The following PRNP variants were observed in gnomAD, a reference collection of about 807,000 sequenced individuals.
The protein encoded by PRNP is major prion protein.
PRNP carries 15 observed loss-of-function variants against 21.3 expected under a neutral mutation model. That is an observed-to-expected ratio of 0.71 (90% CI 0.47 to 1.09). PRNP has a LOEUF of 1.09. PRNP is among the 50% of genes least tolerant of loss of function. The pLI, the probability that PRNP is intolerant of heterozygous loss-of-function variation, is 0.00. For missense variants in PRNP, 285 were observed against 340.9 expected, an observed-to-expected ratio of 0.84 and a Z score of 1.29; for synonymous variants, 121 against 123.1, an observed-to-expected ratio of 0.98 and a Z score of 0.11.
At position 4,700,715 on chromosome 20, in the gene PRNP, G is replaced by A. The variant is rs188710496; in HGVS notation, c.*733G>A. On this transcript the variant is annotated 3_prime_UTR_variant, in exon 2 of 2. Coordinates refer to ENST00000379440, the MANE Select transcript of PRNP (RefSeq NM_000311.5). This position sits in a 1 kb window ranked among gnomAD's most constrained non-coding sequence, Gnocchi z 4.1. ...CTGGGACTTGAAATCAAATGTTTGGGAATGGTGCCCTTGGAGGCAACCTCC... is the reference window on the plus strand; with the variant it reads ...CTGGGACTTGAAATCAAATGTTTGGAAATGGTGCCCTTGGAGGCAACCTCC... 5.9e-6 allele frequency: 1 copy of A among 170,176 alleles called. No individual in the cohort carries two copies. The highest frequency in any genetic ancestry group is 1.9e-4 in the East Asian group (1 of 5,244). The allele number at this position is 170,176 out of a possible 1,614,324, so 10.5% of individuals were successfully genotyped here.
At position 4,699,443 on chromosome 20, in the gene PRNP, C is replaced by T. The variant is rs753810713; in HGVS notation, c.223C>T (p.Gln75Ter). 1 of 1,611,046 alleles carries T rather than the reference C, an allele frequency of 6.2e-7. No homozygotes were observed. ...WGQPHGGGWG[Q>*]PHGGGWGQPH... ...GCAGCCTCATGGTGGTGGCTGGGGG[C>T]AGCCCCATGGTGGTGGCTGGGGACA... Residue 75 changes from glutamine (Q) to a stop codon, truncating the protein, a stop_gained, in exon 2 of 2, where the codon CAG becomes TAG. Coordinates refer to ENST00000379440, the MANE Select transcript of PRNP (RefSeq NM_000311.5). LOFTEE classifies it high-confidence loss of function. The surrounding 1 kb of genome is among the most constrained non-coding windows in gnomAD (Gnocchi z 5.8).
At chr20:4,691,952 G>A (rs1003097442) in intron 1 of PRNP, among the ~76,000 whole-genome samples, 4 of 152,196 alleles carry the variant, frequency 2.6e-5, no homozygotes, top group African/African-American at 7.2e-5. Flanking sequence ...GGAATGTCCT[G>A]TATTTGTCTG....
Position 4,693,115 on chromosome 20 carries a change from C to T in PRNP, c.-10-6096C>T, listed in dbSNP as rs189447989. On this transcript the variant is annotated intron_variant, in intron 1 of 1. Transcript: ENST00000379440. ...GTCCTATTTCAGTAGATGGCATCACCGCCATCTCCCTGGTTATGGAAGTCC... is the reference window on the plus strand; with the variant it reads ...GTCCTATTTCAGTAGATGGCATCACTGCCATCTCCCTGGTTATGGAAGTCC... Among the ~76,000 whole-genome samples the T allele has an allele frequency of 3.3e-5, 5 of 152,288 alleles. 1 individual carries two copies. The highest frequency in any genetic ancestry group is 6.5e-5 in the Admixed American group (1 of 15,282).
intron 1 of PRNP, among the ~76,000 whole-genome samples, chr20:4,690,365 C>T (rs1331111304): frequency 6.6e-6 from 1 of 152,150 alleles, no homozygotes; most frequent in Admixed American, 6.5e-5. Context: ...ATCTCAGCTC[C>T]AACACCTTGG....
chr20:4,699,294 G>T lies in PRNP; in HGVS notation c.74G>T (p.Arg25Leu). The T allele has an allele frequency of 2.5e-6, 4 of 1,614,090 alleles. No homozygotes were observed. The highest frequency in any genetic ancestry group is 3.4e-6 in the Non-Finnish European group (4 of 1,180,038). Reference sequence around the variant, plus strand: ...AGTGACCTGGGCCTCTGCAAGAAGCGCCCGAAGCCTGGAGGATGGAACACT... The same window carrying T: ...AGTGACCTGGGCCTCTGCAAGAAGCTCCCGAAGCCTGGAGGATGGAACACT... ...TWSDLGLCKK[R>L]PKPGGWNTGG... Residue 25 changes from arginine (R) to leucine (L), a missense_variant, in exon 2 of 2, where the codon CGC (arginine) becomes CTC (leucine). Coordinates refer to ENST00000379440, the MANE Select transcript of PRNP (RefSeq NM_000311.5). This position sits in a 1 kb window ranked among gnomAD's most constrained non-coding sequence, Gnocchi z 5.8.
In PRNP at chr20:4,700,959, A is replaced by C. The variant is rs2122234325; in HGVS notation, c.*977A>C. On this transcript the variant is annotated 3_prime_UTR_variant, in exon 2 of 2. Transcript: ENST00000379440. This position sits in a 1 kb window ranked among gnomAD's most constrained non-coding sequence, Gnocchi z 4.1. ...GTAATTAAAAAATGGTCAGTGTGCAAAGAAAAGAACTGCTTGCATTTCTTT... is the reference window on the plus strand; with the variant it reads ...GTAATTAAAAAATGGTCAGTGTGCACAGAAAAGAACTGCTTGCATTTCTTT... The C allele has an allele frequency of 6.0e-6, 1 of 167,096 alleles. No individual in the cohort carries two copies. The highest frequency in any genetic ancestry group is 3.4e-3 in the Middle Eastern group (1 of 296). 10.4% of individuals were successfully genotyped at this position (167,096 alleles called of 1,614,324 possible). A position where few individuals can be genotyped will look rare whatever the true frequency, so the allele number is the denominator to read the frequency against.
chr20:4,696,421 G>A (rs1922171388), intron 1 of PRNP, among the ~76,000 whole-genome samples: 1 of 152,204 alleles, frequency 6.6e-6, no homozygotes, highest in African/African-American at 2.4e-5. Context: ...CTTCTGGTCA[G>A]TTATTGCTAC....
intron 1 of PRNP, among the ~76,000 whole-genome samples, chr20:4,695,479 G>A (rs541053850): frequency 1.3e-5 from 2 of 152,148 alleles, no homozygotes; most frequent in Admixed American, 1.3e-4. Context: ...TAGCATATAT[G>A]TACCACACTT....
rs868121954 is a variant in PRNP, at chr20:4,701,393, G to A, written c.*1411G>A. On this transcript the variant is annotated 3_prime_UTR_variant, in exon 2 of 2. Coordinates refer to ENST00000379440, the MANE Select transcript of PRNP (RefSeq NM_000311.5). This position sits in a 1 kb window ranked among gnomAD's most constrained non-coding sequence, Gnocchi z 4.2. ...CTTAATATGTGGGAAACCCTTTTGC[G>A]TGGTCCTTAGGCTTACAATGTGCAC... The A allele has an allele frequency of 8.4e-5, 14 of 167,034 alleles. No homozygotes were observed. The highest frequency in any genetic ancestry group is 1.3e-4 in the Non-Finnish European group (9 of 68,118). 10.3% of individuals were successfully genotyped at this position (167,034 alleles called of 1,614,324 possible). A position where few individuals can be genotyped will look rare whatever the true frequency, so the allele number is the denominator to read the frequency against.
intron 1 of PRNP, among the ~76,000 whole-genome samples, chr20:4,694,513 T>C (rs996151071): frequency 1.3e-5 from 2 of 152,240 alleles, no homozygotes; most frequent in African/African-American, 4.8e-5. Context: ...TTATTAACCT[T>C]TTAAAGCATT....
intron 1 of PRNP, among the ~76,000 whole-genome samples, chr20:4,688,893 T>A (rs1921646304): frequency 6.6e-6 from 1 of 152,222 alleles, no homozygotes. Context: ...TAAGGGCGTT[T>A]AAAAAATAGT....
intron 1 of PRNP, among the ~76,000 whole-genome samples, chr20:4,689,288 A>G (rs1921673706): frequency 6.6e-6 from 1 of 152,136 alleles, no homozygotes; most frequent in Non-Finnish European, 1.5e-5. Flanking sequence ...AAGTCACCAA[A>G]TGTCACAGAA....
chr20:4,695,702 C>T (rs900794929), intron 1 of PRNP, among the ~76,000 whole-genome samples: 1 of 152,110 alleles, frequency 6.6e-6, no homozygotes, highest in Non-Finnish European at 1.5e-5. Context: ...AATTATTTGC[C>T]TTATGGTTTG....
intron 1 of PRNP, among the ~76,000 whole-genome samples, chr20:4,695,304 G>C (rs1922098573): frequency 6.6e-6 from 1 of 151,970 alleles, no homozygotes; most frequent in South Asian, 2.1e-4. Context: ...CCCTCCGATA[G>C]GCCCTAGTAT....
chr20:4,695,573 G>A (rs375262851), intron 1 of PRNP, among the ~76,000 whole-genome samples: 35 of 152,124 alleles, frequency 2.3e-4, no homozygotes, highest in African/African-American at 7.0e-4. Context: ...GAACATACAC[G>A]TGCATGTGTC....
chr20:4,692,439 T>G (rs1241993673), intron 1 of PRNP, among the ~76,000 whole-genome samples: 4 of 152,186 alleles, frequency 2.6e-5, no homozygotes, highest in Non-Finnish European at 5.9e-5. Flanking sequence ...AAATTATACC[T>G]AGATGAATTT....
rs1441985482 is a variant in PRNP at position 4,699,550 on chromosome 20, G to A, written c.330G>A (p.Lys110=). 6.2e-7 allele frequency: 1 copy of A among 1,614,088 alleles called. No individual in the cohort carries two copies. ...CGAGTAAGCCAAAAACCAACATGAAGCACATGGCTGGTGCTGCAGCAGCTG... is the reference window on the plus strand; with the variant it reads ...CGAGTAAGCCAAAAACCAACATGAAACACATGGCTGGTGCTGCAGCAGCTG... The part of the protein sequence containing the change: ...NKPSKPKTNM[K]HMAGAAAAGA... The change falls in exon 2 of 2, where the codon AAG becomes AAA. Residue 110 remains lysine, a synonymous_variant. Coordinates refer to ENST00000379440, the MANE Select transcript of PRNP (RefSeq NM_000311.5). The surrounding 1 kb of genome is among the most constrained non-coding windows in gnomAD (Gnocchi z 5.8).
chr20:4,695,261 T>C (rs957795228), intron 1 of PRNP, among the ~76,000 whole-genome samples: 1 of 152,098 alleles, frequency 6.6e-6, no homozygotes, highest in African/African-American at 2.4e-5. Flanking sequence ...TAGTACCCAT[T>C]AGTTATTTTT....
chr20:4,700,758 G>A lies in PRNP; in HGVS notation c.*776G>A, dbSNP rs1209750289. On this transcript the variant is annotated 3_prime_UTR_variant, in exon 2 of 2. Coordinates refer to ENST00000379440, the MANE Select transcript of PRNP (RefSeq NM_000311.5). This position sits in a 1 kb window ranked among gnomAD's most constrained non-coding sequence, Gnocchi z 4.1. The stretch of plus-strand genomic sequence containing the variant: ...CAACCTCCCATTTTAGATGTTTAAA[G>A]GACCCTATATGTGGCATTCCTTTCT... The A allele has an allele frequency of 5.9e-6, 1 of 169,650 alleles. No individual in the cohort carries two copies. Among genetic ancestry groups the A allele is most frequent in the South Asian group, 2.0e-4 (1 of 5,022 alleles). 10.5% of individuals were successfully genotyped at this position (169,650 alleles called of 1,614,324 possible).
Sources: gnomAD v4.1 joint callset for allele counts (sites outside exome capture counted in the v4.1 genomes callset) on GRCh38, gnomAD v4.1.1 for gene constraint, Gnocchi (gnomAD v3.1) non-coding constraint, MANE v1.5 for transcripts, NCBI Gene and HGNC (gene_info 2026-07-23, HGNC 2026-07-21) for gene names.